The following MTAP variants were observed in gnomAD, a reference collection of about 807,000 sequenced individuals.
MTAP encodes the protein methylthioadenosine phosphorylase.
A neutral mutation model predicts 33.6 loss-of-function variants in MTAP; 33 were observed. The ratio of observed to expected loss-of-function variants is 0.98; its 90% CI spans 0.74 to 1.31. The LOEUF is 1.31. Among genes scored for constraint, MTAP ranks in the 40% most tolerant of loss-of-function variants. The pLI, the probability that MTAP is intolerant of heterozygous loss-of-function variation, is 0.00. For missense variants in MTAP, 367 were observed against 360.0 expected (o/e 1.02, Z -0.16); for synonymous variants, 148 against 125.7 (o/e 1.18, Z -1.19).
intron 5 of MTAP, among the ~76,000 whole-genome samples, chr9:21,853,776 C>G (rs900100429): frequency 1.3e-5 from 2 of 152,036 alleles, no homozygotes; most frequent in Admixed American, 1.3e-4. Flanking sequence ...TTGAATTATG[C>G]GATATCATTA....
At chr9:21,907,426 C>T (rs1227949128) in intron 1 of MTAP, among the ~76,000 whole-genome samples, 2 of 152,154 alleles carry the variant, frequency 1.3e-5, no homozygotes, top group Non-Finnish European at 2.9e-5. Flanking sequence ...GGCATGATGG[C>T]AGGTGCTGTA....
intron 1 of MTAP, among the ~76,000 whole-genome samples, chr9:21,897,466 G>C (rs913237171): frequency 9.9e-5 from 15 of 152,144 alleles, no homozygotes; most frequent in Non-Finnish European, 1.3e-4. Context: ...TGACATGATT[G>C]TATATTTAGA....
chr9:21,860,316 C>G (rs1205601050), intron 7 of MTAP: 1 of 152,214 alleles, frequency 6.6e-6, no homozygotes, highest in African/African-American at 2.4e-5. Context: ...CAGTTTCACA[C>G]TACTAATGTG....
At chr9:21,933,293 C>G (rs1460278284), downstream of MTAP, 1 of 152,184 alleles carries the variant, frequency 6.6e-6, no homozygotes, top group Non-Finnish European at 1.5e-5. Context: ...TATTTTGAGA[C>G]TCTTTGTAAG....
At chr9:21,925,066 G>A (rs1818847470) in intron 1 of MTAP, among the ~76,000 whole-genome samples, 2 of 152,216 alleles carry the variant, frequency 1.3e-5, no homozygotes, top group Non-Finnish European at 2.9e-5. Context: ...GGCCACCACA[G>A]TTCACTGGGT....
intron 5 of MTAP, among the ~76,000 whole-genome samples, chr9:21,853,668 T>C (rs1587248797): frequency 1.3e-5 from 2 of 152,328 alleles, no homozygotes; most frequent in South Asian, 2.1e-4. Context: ...GTATTAATGA[T>C]TGTTAGAAGA....
intron 4 of MTAP, 113 bp from the exon 5 acceptor site, chr9:21,837,795 T>G: frequency 1.3e-6 from 1 of 776,770 alleles, no homozygotes; most frequent in Non-Finnish European, 2.1e-6. Flanking sequence ...GAATTGAGTC[T>G]GGAGTAAAGA....
At position 21,865,211 on chromosome 9, in the gene MTAP, C is replaced by T; in HGVS notation, c.*3197C>T. 2 of 574,268 alleles carry T rather than the reference C, an allele frequency of 3.5e-6. No homozygotes were observed. The highest frequency in any genetic ancestry group is 4.4e-6 in the Non-Finnish European group (2 of 454,452). The allele number at this position is 574,268 out of a possible 1,614,324, so 35.6% of individuals were successfully genotyped here. A position where few individuals can be genotyped will look rare whatever the true frequency, so the allele number is the denominator to read the frequency against. Reference sequence around the variant, plus strand: ...CCCCCACACTGCTGTTCTCATGATACTGAGTTCTCACAAGTCCTGTTTGTT... The same window carrying T: ...CCCCCACACTGCTGTTCTCATGATATTGAGTTCTCACAAGTCCTGTTTGTT... On this transcript the variant is annotated 3_prime_UTR_variant, in exon 8 of 8. Coordinates refer to ENST00000644715, the MANE Select transcript of MTAP (RefSeq NM_002451.4).
chr9:21,900,410 C>T (rs553941314), intron 1 of MTAP, among the ~76,000 whole-genome samples: 4 of 152,054 alleles, frequency 2.6e-5, no homozygotes, highest in Admixed American at 2.0e-4. Flanking sequence ...AAGCATATGA[C>T]AAAAATGCTC....
Position 21,811,829 on chromosome 9 carries a change from T to C in MTAP, c.34-3604T>C, listed in dbSNP as rs952348323. On this transcript the variant is annotated intron_variant, in intron 1 of 7. Coordinates refer to ENST00000644715, the MANE Select transcript of MTAP (RefSeq NM_002451.4). The stretch of plus-strand genomic sequence containing the variant: ...CTCTGAGATGCCCTTGATCAGATCC[T>C]AGATAGCAGTGTTGTTGCCAGTGAA... 1.2e-5 allele frequency: 6 copies of C among 489,600 alleles called. No individual in the cohort carries two copies. The East Asian group carries it at 3.4e-4, about 28-fold the overall frequency. The allele number at this position is 489,600 out of a possible 1,614,324, so 30.3% of individuals were successfully genotyped here. A position where few individuals can be genotyped will look rare whatever the true frequency, so the allele number is the denominator to read the frequency against.
chr9:21,830,141 G>C (rs955920056), intron 4 of MTAP, among the ~76,000 whole-genome samples: 24 of 152,188 alleles, frequency 1.6e-4, no homozygotes, highest in African/African-American at 5.8e-4. Context: ...TCTTTCATTT[G>C]TGAGTAGAGC....
intron 1 of MTAP, chr9:21,812,446 G>C (rs1476703107): frequency 6.5e-6 from 1 of 152,972 alleles, no homozygotes; most frequent in Non-Finnish European, 1.5e-5. Flanking sequence ...CAAGGACCTT[G>C]ATTGACTCCC....
At chr9:21,821,999 A>G (rs1824654712) in intron 4 of MTAP, among the ~76,000 whole-genome samples, 2 of 151,756 alleles carry the variant, frequency 1.3e-5, no homozygotes, top group South Asian at 4.2e-4. Context: ...TTTTTATTGC[A>G]TCTATTTGAT....
At chr9:21,918,318 C>A (rs1486671515) in intron 1 of MTAP, among the ~76,000 whole-genome samples, 1 of 109,978 alleles carries the variant, frequency 9.1e-6, no homozygotes, top group Non-Finnish European at 1.6e-5. Flanking sequence ...CCACTGCACT[C>A]CAGCCTGGGC....
exon 8 of MTAP, chr9:21,936,596 A>C (rs1819044104): frequency 6.6e-6 from 1 of 152,250 alleles, no homozygotes; most frequent in African/African-American, 2.4e-5. Flanking sequence ...AAATATATTT[A>C]CATCTGTTAA....
Position 21,922,429 on chromosome 9 carries a change from C to A in MTAP, c.148-8579C>A, listed in dbSNP as rs1375089704. On this transcript the variant is annotated intron_variant, in intron 1 of 1. Transcript: ENST00000577563. The surrounding 1 kb of genome is among the most constrained non-coding windows in gnomAD (Gnocchi z 4.8). ...CTTGGCCCTCTTCCAAGTTACTTTACTTTCTTTCATTCCTGCTCTAAGAGT... is the reference window on the plus strand; with the variant it reads ...CTTGGCCCTCTTCCAAGTTACTTTAATTTCTTTCATTCCTGCTCTAAGAGT... 1.3e-5 allele frequency among the ~76,000 whole-genome samples: 2 copies of A among 152,126 alleles called. No individual in the cohort carries two copies. The highest frequency in any genetic ancestry group is 2.9e-5 in the Non-Finnish European group (2 of 68,032).
chr9:21,834,881 C>T lies in MTAP; in HGVS notation c.348-3027C>T, dbSNP rs886967919. 9.2e-5 allele frequency among the ~76,000 whole-genome samples: 14 copies of T among 152,282 alleles called. No homozygotes were observed. The South Asian group carries it at 1.2e-3, about 14-fold the overall frequency. On this transcript the variant is annotated intron_variant, in intron 4 of 7. Transcript: ENST00000644715. ...ATCTAAAATGGAGATGTTATTGCAT[C>T]GCAGTCTATTGGGAGGTAGCCACTG...
rs912881997 is a variant in MTAP at position 21,865,718 on chromosome 9, C to G, written c.*3704C>G. ...AAGCTGTTTCAGGGCCTGTTGCCAG[C>G]TATGCCTTTGAGAACCTCGGGATCC... is the stretch of plus-strand genomic sequence containing the variant. On this transcript the variant is annotated 3_prime_UTR_variant, in exon 8 of 8. Transcript: ENST00000644715. 3.2e-5 allele frequency: 33 copies of G among 1,038,206 alleles called. No individual in the cohort carries two copies. The highest frequency in any genetic ancestry group is 3.5e-4 in the Middle Eastern group (1 of 2,824). The allele number at this position is 1,038,206 out of a possible 1,614,324, so 64.3% of individuals were successfully genotyped here. A position where few individuals can be genotyped will look rare whatever the true frequency, so the allele number is the denominator to read the frequency against.
intron 1 of MTAP, among the ~76,000 whole-genome samples, chr9:21,902,498 A>G (rs1587286119): frequency 6.6e-6 from 1 of 152,260 alleles, no homozygotes; most frequent in African/African-American, 2.4e-5. Flanking sequence ...CCAAAACAAC[A>G]TGACAAATGT....
Sources: allele counts gnomAD v4.1 joint callset (sites outside exome capture counted in the v4.1 genomes callset), GRCh38; gene constraint gnomAD v4.1.1; non-coding constraint Gnocchi (gnomAD v3.1); transcripts MANE v1.5; gene names NCBI Gene and HGNC (gene_info 2026-07-23, HGNC 2026-07-21).